The following BACH1 variants were observed in gnomAD, a reference collection of about 807,000 sequenced individuals.
BACH1 encodes transcription regulator protein BACH1.
In BACH1, 35 loss-of-function variants were observed where a neutral mutation model predicts 52.9. That is an observed-to-expected ratio of 0.66 (90% CI 0.51 to 0.88). BACH1 has a LOEUF of 0.88. BACH1 is among the 40% of genes least tolerant of loss of function. The pLI is 0.00. For missense variants in BACH1, 808 were observed against 872.6 expected (o/e 0.93, Z 0.93); for synonymous variants, 321 against 319.6 (o/e 1.00, Z -0.05).
chr21:29,318,979 TA>T lies in BACH1; in HGVS notation c.-60-2234del, dbSNP rs796134245. On this transcript the variant is annotated intron_variant, in intron 1 of 4. Transcript: ENST00000286800. ...ACTGGAGACAGAATGATGGAGTAGT[TA>T]AAAAAAATGTCTGGTGGCAATTCTC... is the stretch of plus-strand genomic sequence containing the variant. Among the ~76,000 whole-genome samples the T allele has an allele frequency of 3.7e-3, 559 of 152,094 alleles. 4 individuals carry two copies. The highest frequency in any genetic ancestry group is 0.013 in the African/African-American group (531 of 41,512).
At chr21:29,306,692 A>G (rs558618332) in intron 1 of BACH1, among the ~76,000 whole-genome samples, 1 of 152,322 alleles carries the variant, frequency 6.6e-6, no homozygotes, top group South Asian at 2.1e-4. Context: ...CTTGTCTACT[A>G]GTTCTGCCAC....
rs902681602 is a variant in BACH1 at position 29,345,689 on chromosome 21, A to G, written c.*2856A>G. ...AGATGCAGTAGACGATACAGGTTGC[A>G]TGTGGACACTCAGTCACATTAACAA... is the stretch of plus-strand genomic sequence containing the variant. On this transcript the variant is annotated 3_prime_UTR_variant, in exon 5 of 5. Transcript: ENST00000286800. 1 of 152,642 alleles carries G rather than the reference A, an allele frequency of 6.6e-6. No individual in the cohort carries two copies. Among genetic ancestry groups the G allele is most frequent in the Non-Finnish European group, 1.5e-5 (1 of 68,024 alleles). 9.5% of individuals were successfully genotyped at this position (152,642 alleles called of 1,614,324 possible).
rs2089127532 is a variant in BACH1, at chr21:29,342,636, T to TTATCTGACCGGCC, written c.2016_2028dup (p.Pro677IlefsTer2). The TTATCTGACCGGCC allele has an allele frequency of 3.1e-6, 5 of 1,614,190 alleles. No individual in the cohort carries two copies. Among genetic ancestry groups the TTATCTGACCGGCC allele is most frequent in the Non-Finnish European group, 4.2e-6 (5 of 1,180,042 alleles). The stretch of plus-strand genomic sequence containing the variant: ...ACTGGCGTTACCATCAATTTTCAGT[T>TTATCTGACCGGCC]TATCTGACCGGCCTCCAGCAGTGCT... On this transcript the variant is annotated frameshift_variant, in exon 5 of 5. Transcript: ENST00000286800. LOFTEE classifies it low-confidence loss of function (END_TRUNC).
chr21:29,353,403 A>G (rs986917428), intron 2 of BACH1, among the ~76,000 whole-genome samples: 2 of 152,166 alleles, frequency 1.3e-5, no homozygotes, highest in East Asian at 1.9e-4. Flanking sequence ...ATAGAATGGT[A>G]CCATCCAATT....
intron 1 of BACH1, among the ~76,000 whole-genome samples, chr21:29,303,091 C>T (rs922891747): frequency 6.6e-6 from 1 of 152,176 alleles, no homozygotes; most frequent in Non-Finnish European, 1.5e-5. Context: ...ACTAGTTTCT[C>T]AGTACATATT....
chr21:29,316,187 A>T (rs986423986), intron 1 of BACH1, among the ~76,000 whole-genome samples: 1 of 152,194 alleles, frequency 6.6e-6, no homozygotes, highest in Non-Finnish European at 1.5e-5. Flanking sequence ...TTAGGTTTTT[A>T]AGAGTTTTTT....
chr21:29,326,938 G>A lies in BACH1; in HGVS notation c.1114G>A (p.Asp372Asn), dbSNP rs781070346. 1.4e-5 allele frequency: 22 copies of A among 1,614,072 alleles called. No individual in the cohort carries two copies. The highest frequency in any genetic ancestry group is 5.0e-5 in the Admixed American group (3 of 60,012). ...GESQDLPLKS[D>N]LGTREDSSVA... ...AAGTCAGGATTTACCTTTGAAATCC[G>A]ACTTGGGCACCAGGGAAGATAGTAG... Residue 372 changes from aspartate (D) to asparagine (N), a missense_variant, in exon 3 of 5, where the codon GAC becomes AAC. By Grantham distance (23) the Asp-to-Asn change is conservative. Coordinates refer to ENST00000286800, the MANE Select transcript of BACH1 (RefSeq NM_001186.4).
chr21:29,360,303 C>T (rs1436723126), intron 2 of BACH1, among the ~76,000 whole-genome samples: 1 of 152,198 alleles, frequency 6.6e-6, no homozygotes, highest in Non-Finnish European at 1.5e-5. Context: ...TAATTGAGAC[C>T]TGTCTCAAAT....
At chr21:29,312,336 A>G (rs1426093852) in intron 1 of BACH1, among the ~76,000 whole-genome samples, 1 of 152,214 alleles carries the variant, frequency 6.6e-6, no homozygotes, top group Non-Finnish European at 1.5e-5. Context: ...ATCTACAGTT[A>G]ACATATTTAG....
In BACH1 at chr21:29,343,587, C is replaced by G. The variant is rs1272830121; in HGVS notation, c.*754C>G. 1 of 152,200 alleles carries G rather than the reference C, an allele frequency of 6.6e-6. No homozygotes were observed. The highest frequency in any genetic ancestry group is 2.4e-5 in the African/African-American group (1 of 41,438). 9.4% of individuals were successfully genotyped at this position (152,200 alleles called of 1,614,324 possible). A position where few individuals can be genotyped will look rare whatever the true frequency, so the allele number is the denominator to read the frequency against. Reference sequence around the variant, plus strand: ...CATATCTGGTCCCATCATGGACTTCCTATTTCCTGGCATTTTTGTCCCTTT... The same window carrying G: ...CATATCTGGTCCCATCATGGACTTCGTATTTCCTGGCATTTTTGTCCCTTT... On this transcript the variant is annotated 3_prime_UTR_variant, in exon 5 of 5. Transcript: ENST00000286800.
At chr21:29,307,189 A>G (rs2088668015) in intron 1 of BACH1, among the ~76,000 whole-genome samples, 1 of 152,208 alleles carries the variant, frequency 6.6e-6, no homozygotes, top group Admixed American at 6.5e-5. Context: ...GAGTACAAAC[A>G]GGAACATCTT....
chr21:29,307,000 T>C (rs1485652352), intron 1 of BACH1, among the ~76,000 whole-genome samples: 6 of 152,254 alleles, frequency 3.9e-5, no homozygotes, highest in Non-Finnish European at 8.8e-5. Context: ...TAATTATATC[T>C]TGTAGTTTCT....
In BACH1 at chr21:29,342,929, G is replaced by GC. The variant is rs2089132555; in HGVS notation, c.*96_*97insC. 2 of 1,235,068 alleles carry GC rather than the reference G, an allele frequency of 1.6e-6. No individual in the cohort carries two copies. The allele number at this position is 1,235,068 out of a possible 1,614,324, so 76.5% of individuals were successfully genotyped here. A position where few individuals can be genotyped will look rare whatever the true frequency, so the allele number is the denominator to read the frequency against. On this transcript the variant is annotated 3_prime_UTR_variant, in exon 5 of 5. Coordinates refer to ENST00000286800, the MANE Select transcript of BACH1 (RefSeq NM_001186.4). ...TGACCATCTGTTGCTCAACAATACT[G>GC]TTTTTTTCCTTTAGTAGTTTACCAT...
intron 2 of BACH1, chr21:29,351,814 G>A: frequency 1.9e-6 from 1 of 517,152 alleles, no homozygotes. Flanking sequence ...CTAAGATAAG[G>A]TAGGAGAATT....
At chr21:29,342,035 T>G (rs1240469496) in intron 4 of BACH1, among the ~76,000 whole-genome samples, 1 of 152,204 alleles carries the variant, frequency 6.6e-6, no homozygotes, top group Non-Finnish European at 1.5e-5. Context: ...TGCCCCAAAT[T>G]GACATTAGAC....
chr21:29,313,279 A>G (rs2088748245), intron 1 of BACH1, among the ~76,000 whole-genome samples: 1 of 152,212 alleles, frequency 6.6e-6, no homozygotes, highest in Non-Finnish European at 1.5e-5. Flanking sequence ...AAAGGGATGG[A>G]CACGTCTTAC....
intron 2 of BACH1, among the ~76,000 whole-genome samples, chr21:29,353,261 G>A (rs1321887289): frequency 1.3e-5 from 2 of 152,162 alleles, no homozygotes; most frequent in Non-Finnish European, 2.9e-5. Context: ...TGGCTAAGTT[G>A]TAAGTAAAAA....
At chr21:29,359,149 GA>G (rs1361635000) in intron 2 of BACH1, 1 of 151,846 alleles carries the variant, frequency 6.6e-6, no homozygotes, top group Admixed American at 6.6e-5. Flanking sequence ...AAATAATTTT[GA>G]ATAGACCTTT....
Position 29,345,616 on chromosome 21 carries a change from G to T in BACH1, c.*2783G>T, listed in dbSNP as rs1327917188. On this transcript the variant is annotated 3_prime_UTR_variant, in exon 5 of 5. Coordinates refer to ENST00000286800, the MANE Select transcript of BACH1 (RefSeq NM_001186.4). ...CATCTGTAATTTTTTTTAACAGTTT[G>T]CTATAGCTTACTGCTTAACTAATTT... The T allele has an allele frequency of 3.3e-5, 5 of 152,258 alleles. No individual in the cohort carries two copies. Among genetic ancestry groups the T allele is most frequent in the Non-Finnish European group, 4.4e-5 (3 of 67,946 alleles). 9.4% of individuals were successfully genotyped at this position (152,258 alleles called of 1,614,324 possible). A position where few individuals can be genotyped will look rare whatever the true frequency, so the allele number is the denominator to read the frequency against.
Sources: gnomAD v4.1 joint callset for allele counts (sites outside exome capture counted in the v4.1 genomes callset) on GRCh38, gnomAD v4.1.1 for gene constraint, MANE v1.5 for transcripts, NCBI Gene and HGNC (gene_info 2026-07-23, HGNC 2026-07-21) for gene names.